Variants in LACTB2 observed in about 807,000 individuals in gnomAD.
The protein encoded by LACTB2 is lactamase beta 2.
Under a neutral mutation model 34.8 loss-of-function variants are expected in LACTB2, and 32 were observed. The observed-to-expected ratio is 0.92, with a 90% CI of 0.69 to 1.24. LACTB2 has a LOEUF of 1.24. Among genes scored for constraint, LACTB2 ranks in the 50% most tolerant of loss-of-function variants. LACTB2 has a pLI of 0.00. For missense variants in LACTB2, 320 were observed against 345.0 expected (o/e 0.93, Z 0.57); for synonymous variants, 120 against 117.5 (o/e 1.02, Z -0.14).
intron 3 of LACTB2, chr8:70,654,472 G>A (rs1365291649): frequency 6.6e-6 from 1 of 152,088 alleles, no homozygotes; most frequent in Non-Finnish European, 1.5e-5. Flanking sequence ...GGGGAGAGCT[G>A]GAGACAGTAA....
chr8:70,647,850 T>C (rs1033127025), intron 3 of LACTB2, among the ~76,000 whole-genome samples: 1 of 152,190 alleles, frequency 6.6e-6, no homozygotes, highest in African/African-American at 2.4e-5. Flanking sequence ...TCTTCCCACT[T>C]TGAGTTGAGA....
intron 1 of LACTB2, among the ~76,000 whole-genome samples, chr8:70,666,722 G>T (rs1165945359): frequency 6.6e-6 from 1 of 152,180 alleles, no homozygotes; most frequent in Non-Finnish European, 1.5e-5. Context: ...TGACAGCAGG[G>T]GACATGAACA....
At chr8:70,639,284 C>T (rs1186154576) in intron 5 of LACTB2, among the ~76,000 whole-genome samples, 1 of 151,990 alleles carries the variant, frequency 6.6e-6, no homozygotes, top group East Asian at 2.0e-4. Flanking sequence ...CTCAGCCTCC[C>T]GAGTAGCTAG....
chr8:70,638,399 T>C, intron 6 of LACTB2, 149 bp downstream of exon 6: 3 of 791,464 alleles, frequency 3.8e-6, no homozygotes, highest in Non-Finnish European at 5.4e-6. Context: ...GGCCCTGTGC[T>C]ACTGACCTTC....
rs990900411 is a variant in LACTB2 at position 70,668,748 on chromosome 8, G to GTTTTT, written c.122+246_122+250dup. Among the ~76,000 whole-genome samples the GTTTTT allele has an allele frequency of 1.9e-3, 200 of 103,670 alleles. 9 individuals are homozygous for GTTTTT. Among genetic ancestry groups the GTTTTT allele is most frequent in the African/African-American group, 7.2e-3 (171 of 23,858 alleles). 68.0% of individuals were successfully genotyped at this position (103,670 alleles called of 152,430 possible). On this transcript the variant is annotated intron_variant, in intron 1 of 6. Coordinates refer to ENST00000276590, the MANE Select transcript of LACTB2 (RefSeq NM_016027.3). Reference sequence around the variant, plus strand: ...CAGTAAATCGGGTTTCAAAACAGAAGTTTTTTTTTTTTTTTTTTTTTTTTT... The same window carrying GTTTTT: ...CAGTAAATCGGGTTTCAAAACAGAAGTTTTTTTTTTTTTTTTTTTTTTTTTTTTTT...
At chr8:70,641,685 A>G (rs1338707368) in intron 4 of LACTB2, among the ~76,000 whole-genome samples, 2 of 152,234 alleles carry the variant, frequency 1.3e-5, no homozygotes, top group South Asian at 4.1e-4. Flanking sequence ...AACTTTAAGA[A>G]TCCTATGTAT....
chr8:70,661,262 A>C (rs1338498789), intron 2 of LACTB2: 1 of 339,678 alleles, frequency 2.9e-6, no homozygotes, highest in Non-Finnish European at 5.8e-6. Flanking sequence ...GAGGAAATAA[A>C]GAGATAGAAA....
chr8:70,657,927 T>A, intron 2 of LACTB2, 45 bp from the exon 3 acceptor site: 3 of 1,311,044 alleles, frequency 2.3e-6, no homozygotes, highest in Non-Finnish European at 3.1e-6. Context: ...ACTTTATAAT[T>A]AAGCCTTTTA....
intron 3 of LACTB2, among the ~76,000 whole-genome samples, chr8:70,655,142 C>T (rs1245924866): frequency 6.6e-6 from 1 of 151,134 alleles, no homozygotes; most frequent in Non-Finnish European, 1.5e-5. Context: ...GTTTGGTTTT[C>T]CATTCCTGAG....
intron 3 of LACTB2, among the ~76,000 whole-genome samples, chr8:70,657,290 T>C (rs1398538803): frequency 6.6e-6 from 1 of 152,180 alleles, no homozygotes; most frequent in Middle Eastern, 3.2e-3. Flanking sequence ...AACAATTTAA[T>C]AAAGAGTGAA....
intron 2 of LACTB2, chr8:70,660,941 G>A (rs1403854872): frequency 8.8e-6 from 4 of 455,672 alleles, no homozygotes; most frequent in African/African-American, 2.0e-5. Flanking sequence ...CCATACCCGG[G>A]AAATTTTTGT....
intron 2 of LACTB2, chr8:70,660,394 G>A (rs933194941): frequency 3.9e-5 from 14 of 358,086 alleles, no homozygotes; most frequent in African/African-American, 1.1e-4. Flanking sequence ...CCTTAGATTG[G>A]AAGAAAGGAG....
intron 1 of LACTB2, chr8:70,662,676 T>A (rs1051676816): frequency 6.7e-6 from 1 of 149,986 alleles, no homozygotes; most frequent in East Asian, 1.9e-4. Flanking sequence ...GGGGGTGACA[T>A]GTTCCTCAAG....
intron 1 of LACTB2, among the ~76,000 whole-genome samples, chr8:70,668,253 T>C (rs1818563297): frequency 6.6e-6 from 1 of 152,224 alleles, no homozygotes. Context: ...AGAAACTACA[T>C]TATCTGGGTT....
chr8:70,648,489 TAAAAA>T lies in LACTB2; in HGVS notation c.414-4251_414-4247del, dbSNP rs1292027545. Among the ~76,000 whole-genome samples the T allele has an allele frequency of 4.0e-5, 6 of 151,402 alleles. No homozygotes were observed. In the East Asian group the frequency reaches 1.2e-3, roughly 29 times the overall value. On this transcript the variant is annotated intron_variant, in intron 3 of 6. Coordinates refer to ENST00000276590, the MANE Select transcript of LACTB2 (RefSeq NM_016027.3). ...AAAATTACAAATCTGAGAACAGAAATAAAAACATGTAGTAAGATTAGGCGATAAAG... is the reference window on the plus strand; with the variant it reads ...AAAATTACAAATCTGAGAACAGAAATCATGTAGTAAGATTAGGCGATAAAG...
At chr8:70,650,842 A>G (rs1818333097) in intron 3 of LACTB2, among the ~76,000 whole-genome samples, 2 of 151,798 alleles carry the variant, frequency 1.3e-5, no homozygotes, top group African/African-American at 4.8e-5. Context: ...TATTCTAAAA[A>G]TAATAACCAA....
chr8:70,667,181 G>C (rs927000133), intron 1 of LACTB2, among the ~76,000 whole-genome samples: 2 of 152,228 alleles, frequency 1.3e-5, no homozygotes, highest in African/African-American at 4.8e-5. Flanking sequence ...TAGGAAACCT[G>C]AAGAATGTGG....
At chr8:70,647,001 T>G (rs1426215893) in intron 3 of LACTB2, among the ~76,000 whole-genome samples, 3 of 152,178 alleles carry the variant, frequency 2.0e-5, no homozygotes, top group Admixed American at 6.5e-5. Flanking sequence ...TAGATTGCTT[T>G]CCATGTACCA....
chr8:70,652,136 A>AT (rs1563405475), intron 3 of LACTB2, among the ~76,000 whole-genome samples: 1 of 151,932 alleles, frequency 6.6e-6, no homozygotes, highest in African/African-American at 2.4e-5. Context: ...ATTTTATGTT[A>AT]TTTTTTTCAA....
Sources: gnomAD v4.1 joint callset for allele counts (sites outside exome capture counted in the v4.1 genomes callset) on GRCh38, gnomAD v4.1.1 for gene constraint, MANE v1.5 for transcripts, NCBI Gene and HGNC (gene_info 2026-07-23, HGNC 2026-07-21) for gene names.